The following CEP89 variants were observed in gnomAD, a reference collection of about 807,000 sequenced individuals.
CEP89 encodes centrosomal protein of 89 kDa.
CEP89 carries 95 observed loss-of-function variants against 97.6 expected under a neutral mutation model. The observed-to-expected ratio is 0.97, with a 90% CI of 0.82 to 1.15. The LOEUF is 1.15. Ranked by LOEUF, CEP89 falls within the 50% of genes most tolerant of loss-of-function variation. The pLI, the probability that CEP89 is intolerant of heterozygous loss-of-function variation, is 0.00. For synonymous variants in CEP89, 354 were observed against 349.1 expected, an observed-to-expected ratio of 1.01 and a Z score of -0.16; for missense variants, 869 against 947.7, an observed-to-expected ratio of 0.92 and a Z score of 1.09.
rs752651120 is a variant in CEP89, at chr19:32,879,322, C to T, written c.2192G>A (p.Arg731Lys). 2 of 1,614,148 alleles carry T rather than the reference C, an allele frequency of 1.2e-6. No homozygotes were observed. Among genetic ancestry groups the T allele is most frequent in the Non-Finnish European group, 1.7e-6 (2 of 1,180,056 alleles). Residue 731 changes from arginine to lysine, a missense_variant, in exon 19 of 19, where the codon AGA becomes AAA. Physicochemically the swap from Arg to Lys is conservative, Grantham distance 26 (BLOSUM62 2). Transcript: ENST00000305768. Reference sequence around the variant, plus strand: ...TGTGTCCTGGAGAAGTTCTCGGATTCTTCGGTTTTCCCTGAAGGTAGATTC... The same window carrying T: ...TGTGTCCTGGAGAAGTTCTCGGATTTTTCGGTTTTCCCTGAAGGTAGATTC... The part of the protein sequence containing the change: ...IWESTFRENR[R>K]IRELLQDTLT...
chr19:32,913,305 A>T (rs10413342), intron 14 of CEP89, among the ~76,000 whole-genome samples: 168 of 6,618 alleles, frequency 0.025, no homozygotes, highest in African/African-American at 0.032. Flanking sequence ...ATATATATAT[A>T]TTTTTTTGTT....
intron 17 of CEP89, 97 bp from the exon 18 acceptor site, chr19:32,882,110 G>C (rs954070786): frequency 9.3e-5 from 98 of 1,050,072 alleles, no homozygotes; most frequent in Non-Finnish European, 1.2e-4. Flanking sequence ...TTGTGTGTCA[G>C]AGCCTTTAAA....
chr19:32,957,896 T>C (rs1568581164), intron 3 of CEP89, among the ~76,000 whole-genome samples: 2 of 152,022 alleles, frequency 1.3e-5, no homozygotes. Flanking sequence ...CTTGGGAGGC[T>C]AAGGCAGGAG....
intron 5 of CEP89, among the ~76,000 whole-genome samples, chr19:32,945,278 A>G (rs1970772723): frequency 9.4e-6 from 1 of 106,800 alleles, no homozygotes; most frequent in Admixed American, 1.2e-4. Flanking sequence ...GAGTGAAACT[A>G]TGTTTCAAAA....
intron 6 of CEP89, among the ~76,000 whole-genome samples, chr19:32,939,035 C>T (rs1568570647): frequency 6.6e-6 from 1 of 151,960 alleles, no homozygotes; most frequent in Non-Finnish European, 1.5e-5. Flanking sequence ...TCGCTTGAGC[C>T]CAGGAGCTTG....
At chr19:32,880,749 C>A (rs1969265038) in intron 18 of CEP89, among the ~76,000 whole-genome samples, 1 of 151,962 alleles carries the variant, frequency 6.6e-6, no homozygotes, top group African/African-American at 2.4e-5. Context: ...AACAGGCAGT[C>A]TCTAAGGGCA....
chr19:32,892,342 T>G (rs1969547585), intron 16 of CEP89, among the ~76,000 whole-genome samples: 1 of 150,956 alleles, frequency 6.6e-6, no homozygotes, highest in Non-Finnish European at 1.5e-5. Flanking sequence ...CTCACTCTGT[T>G]GCCCAGGCTG....
intron 16 of CEP89, among the ~76,000 whole-genome samples, chr19:32,894,315 T>G (rs1969594482): frequency 6.6e-6 from 1 of 152,172 alleles, no homozygotes. Context: ...ATGTGCGCCC[T>G]TGTATGTCAG....
At chr19:32,920,569 C>A (rs1970226789) in intron 12 of CEP89, among the ~76,000 whole-genome samples, 1 of 152,032 alleles carries the variant, frequency 6.6e-6, no homozygotes, top group Non-Finnish European at 1.5e-5. Context: ...CTGCAGCCTC[C>A]ACCTCCTGGG....
At chr19:32,928,582 C>T (rs1970409393) in intron 9 of CEP89, among the ~76,000 whole-genome samples, 1 of 152,120 alleles carries the variant, frequency 6.6e-6, no homozygotes, top group African/African-American at 2.4e-5. Flanking sequence ...CTCGAAGGTT[C>T]CCGGTGCTGT....
chr19:32,929,735 G>A (rs1006937599), intron 9 of CEP89, among the ~76,000 whole-genome samples: 10 of 152,126 alleles, frequency 6.6e-5, no homozygotes, highest in South Asian at 2.1e-4. Flanking sequence ...CTGTCTGCCC[G>A]CCCCATGGTC....
rs1290105369 is a variant in CEP89, at chr19:32,904,534, AT to A, written c.1566-3123del. ...TGGTTCCTTCCTTTTAATTAAAAAA[AT>A]TTTTTCTCATGATGATAGCCTATCA... On this transcript the variant is annotated intron_variant, in intron 14 of 18. Coordinates refer to ENST00000305768, the MANE Select transcript of CEP89 (RefSeq NM_032816.5). Among the ~76,000 whole-genome samples, 5 of 151,338 alleles carry A rather than the reference AT, an allele frequency of 3.3e-5. No homozygotes were observed. In the East Asian group the frequency reaches 9.6e-4, roughly 29 times the overall value.
Position 32,953,896 on chromosome 19 carries a change from T to C in CEP89, c.306-95A>G. On this transcript the variant is annotated intron_variant, in intron 3 of 18. Transcript: ENST00000305768. ...TTTTTTTTTTTTTTTTGAGGTAGAGTCTTGCTCTGTCGCCCAGGCTGGAGT... is the reference window on the plus strand; with the variant it reads ...TTTTTTTTTTTTTTTTGAGGTAGAGCCTTGCTCTGTCGCCCAGGCTGGAGT... The C allele has an allele frequency of 3.4e-6, 3 of 878,596 alleles. No individual in the cohort carries two copies. In the South Asian group the frequency reaches 5.3e-5, roughly 15 times the overall value. The allele number at this position is 878,596 out of a possible 1,614,324, so 54.4% of individuals were successfully genotyped here. A position where few individuals can be genotyped will look rare whatever the true frequency, so the allele number is the denominator to read the frequency against.
In CEP89 at chr19:32,881,981, C is replaced by T. The variant is rs1430700180; in HGVS notation, c.1998G>A (p.Gly666=). ...GCTCCAGCAGACGGTGACTGATGTC[C>T]CCCAGCTTCAGTGCTGCCTGCTTCT... ...GYKKQAALKL[G]DISHRLLEQQ... The change falls in exon 18 of 19, where the codon GGG becomes GGA. Residue 666 remains glycine, a synonymous_variant. Transcript: ENST00000305768. The T allele has an allele frequency of 6.3e-7, 1 of 1,584,416 alleles. No individual in the cohort carries two copies.
intron 9 of CEP89, 69 bp from the exon 10 acceptor site, chr19:32,927,053 T>C: frequency 1.4e-6 from 2 of 1,396,478 alleles, no homozygotes; most frequent in Middle Eastern, 1.8e-4. Flanking sequence ...TCTTAGATAT[T>C]CTTAATCTAG....
At chr19:32,940,777 T>G (rs1970672012) in intron 5 of CEP89, among the ~76,000 whole-genome samples, 1 of 152,036 alleles carries the variant, frequency 6.6e-6, no homozygotes. Flanking sequence ...TTTTTTTTTT[T>G]TTGAGACGGA....
intron 16 of CEP89, among the ~76,000 whole-genome samples, chr19:32,890,513 C>A (rs1458601317): frequency 6.6e-6 from 1 of 152,174 alleles, no homozygotes; most frequent in Non-Finnish European, 1.5e-5. Flanking sequence ...AAACAGGAGT[C>A]AGTCATCGCA....
intron 14 of CEP89, among the ~76,000 whole-genome samples, chr19:32,909,014 A>G (rs1969946313): frequency 6.6e-6 from 1 of 152,210 alleles, no homozygotes; most frequent in African/African-American, 2.4e-5. Flanking sequence ...CCCTGCATGG[A>G]AGGAACAATG....
intron 16 of CEP89, among the ~76,000 whole-genome samples, chr19:32,899,403 G>T (rs370719212): frequency 2.4e-4 from 36 of 152,018 alleles, no homozygotes; most frequent in Admixed American, 3.9e-4. Flanking sequence ...TGAGTAGCTG[G>T]GACTACAGGC....
Sources: allele counts gnomAD v4.1 joint callset (sites outside exome capture counted in the v4.1 genomes callset), GRCh38; gene constraint gnomAD v4.1.1; transcripts MANE v1.5; gene names NCBI Gene and HGNC (gene_info 2026-07-23, HGNC 2026-07-21).